ULK1: variants seen among roughly 807,000 people sequenced by gnomAD.
The protein encoded by ULK1 is serine/threonine-protein kinase ULK1.
In ULK1, 48 loss-of-function variants were observed where a neutral mutation model predicts 117.5. That is an observed-to-expected ratio of 0.41 (90% CI 0.32 to 0.52). The LOEUF (loss-of-function observed/expected upper bound fraction) is 0.52. Among genes scored for constraint, ULK1 ranks in the 20% least tolerant of loss-of-function variants. ULK1 has a pLI of 0.29. For missense variants in ULK1, 1,387 were observed against 1,473.4 expected (o/e 0.94, Z 0.96); for synonymous variants, 790 against 637.8 (o/e 1.24, Z -3.60).
chr12:131,913,690 G>C, intron 14 of ULK1, 57 bp from the exon 15 acceptor site: 1 of 1,324,000 alleles, frequency 7.6e-7, no homozygotes, highest in South Asian at 1.6e-5. Flanking sequence ...GGGTGACAGA[G>C]TGAGACTGCC....
Position 131,922,014 on chromosome 12 carries a change from G to T in ULK1, c.*653G>T, listed in dbSNP as rs759152346. 2.0e-5 allele frequency: 9 copies of T among 454,382 alleles called. No individual in the cohort carries two copies. The highest frequency in any genetic ancestry group is 1.4e-4 in the Admixed American group (6 of 42,500). 28.1% of individuals were successfully genotyped at this position (454,382 alleles called of 1,614,324 possible). A position where few individuals can be genotyped will look rare whatever the true frequency, so the allele number is the denominator to read the frequency against. On this transcript the variant is annotated 3_prime_UTR_variant, in exon 28 of 28. Coordinates refer to ENST00000321867, the MANE Select transcript of ULK1 (RefSeq NM_003565.4). Reference sequence around the variant, plus strand: ...GGACCTCAGCGGGAGAACTGGCTCCGGGGGGAGTGGGGCCCTGCGCTAGAG... The same window carrying T: ...GGACCTCAGCGGGAGAACTGGCTCCTGGGGGAGTGGGGCCCTGCGCTAGAG...
In ULK1 at chr12:131,917,030, C is replaced by A; in HGVS notation, c.2150C>A (p.Thr717Lys). ...ACACAAGCCCCGGACCCGGGCAGCA[C>A]GGAGAGCCTGCAGGAGAAGCCCATG... ...FGTQAPDPGS[T>K]ESLQEKPMEI... The change falls in exon 21 of 28, where the codon ACG becomes AAG. Residue 717 changes from threonine to lysine, a missense_variant. Transcript: ENST00000321867. 2 of 1,419,252 alleles carry A rather than the reference C, an allele frequency of 1.4e-6. No individual in the cohort carries two copies. Among genetic ancestry groups the A allele is most frequent in the South Asian group, 2.3e-5 (2 of 86,972 alleles). 87.9% of individuals were successfully genotyped at this position (1,419,252 alleles called of 1,614,324 possible). A position where few individuals can be genotyped will look rare whatever the true frequency, so the allele number is the denominator to read the frequency against.
intron 10 of ULK1, 107 bp from the exon 11 acceptor site, chr12:131,910,147 C>T (rs61942432): frequency 0.079 from 124,779 of 1,570,900 alleles, 10,349 homozygotes; most frequent in African/African-American, 0.42. Context: ...GCTCCACCTC[C>T]GCCCGGGCAG....
At chr12:131,896,045 C>G (rs1017472621) in intron 3 of ULK1, among the ~76,000 whole-genome samples, 9 of 152,202 alleles carry the variant, frequency 5.9e-5, no homozygotes, top group African/African-American at 2.2e-4. Flanking sequence ...CAGGGCGCCC[C>G]AGGGCAGGGC....
chr12:131,905,320 G>A (rs1304855635), intron 3 of ULK1, among the ~76,000 whole-genome samples: 2 of 152,146 alleles, frequency 1.3e-5, no homozygotes, highest in Non-Finnish European at 2.9e-5. Flanking sequence ...GTGGCTTTGC[G>A]GCTGTCCCCC....
At chr12:131,917,340 T>A (rs878921101) in intron 21 of ULK1, 71 bp from the exon 22 acceptor site, 3 of 872,492 alleles carry the variant, frequency 3.4e-6, no homozygotes, top group African/African-American at 6.0e-5. Flanking sequence ...GGGGTCGGGT[T>A]CGGCTCGGAG....
chr12:131,910,591 T>C, intron 11 of ULK1, 121 bp from the exon 12 acceptor site: 1 of 1,597,862 alleles, frequency 6.3e-7, no homozygotes, highest in Non-Finnish European at 8.5e-7. Context: ...TCCTTCCTGC[T>C]GGTCGGGGTG....
In ULK1 at chr12:131,909,157, C is replaced by G; in HGVS notation, c.586C>G (p.Gln196Glu). The G allele has an allele frequency of 6.2e-7, 1 of 1,609,614 alleles. No individual in the cohort carries two copies. Among genetic ancestry groups the G allele is most frequent in the Non-Finnish European group, 8.5e-7 (1 of 1,178,498 alleles). Reference protein sequence around the residue: ...MYMAPEVIMSQHYDGKADLWS... With the variant: ...MYMAPEVIMSEHYDGKADLWS... ...GCAGGCCCCCGAGGTCATCATGTCC[C>G]AGCACTACGACGGGAAGGCGGACCT... Residue 196 changes from glutamine (Q) to glutamate (E), a missense_variant, in exon 8 of 28, where the codon CAG becomes GAG. Transcript: ENST00000321867.
At position 131,910,785 on chromosome 12, in the gene ULK1, C is replaced by G. The variant is rs1337830317; in HGVS notation, c.933C>G (p.His311Gln). The change falls in exon 12 of 28, where the codon CAC becomes CAG. Residue 311 changes from histidine to glutamine, a missense_variant. His to Gln is a conservative substitution (Grantham distance 24). Transcript: ENST00000321867. ...GSSSSSSSTS[H>Q]LASPPSLGEM... Reference sequence around the variant, plus strand: ...GCTCCAGCAGCAGCTCCACCTCCCACCTGGCCTCCCCGCCGGTGAGTTGCC... The same window carrying G: ...GCTCCAGCAGCAGCTCCACCTCCCAGCTGGCCTCCCCGCCGGTGAGTTGCC... 6.2e-7 allele frequency: 1 copy of G among 1,612,148 alleles called. No homozygotes were observed. The highest frequency in any genetic ancestry group is 1.3e-5 in the African/African-American group (1 of 74,926).
At chr12:131,906,673 C>T in intron 3 of ULK1, 1 of 609,932 alleles carries the variant, frequency 1.6e-6, no homozygotes, top group South Asian at 1.9e-5. Flanking sequence ...GACCAGGGGC[C>T]TTTGCCTTGA....
chr12:131,905,831 C>T (rs1420268843), intron 3 of ULK1, among the ~76,000 whole-genome samples: 2 of 152,128 alleles, frequency 1.3e-5, no homozygotes, highest in African/African-American at 4.8e-5. Flanking sequence ...GCTGTGTCTG[C>T]ACCGGTGGCT....
chr12:131,918,279 T>C, intron 22 of ULK1: 2 of 603,128 alleles, frequency 3.3e-6, no homozygotes, highest in Non-Finnish European at 5.7e-6. Flanking sequence ...TGGCCTGAGG[T>C]GGGGAGCTGG....
At position 131,895,778 on chromosome 12, in the gene ULK1, C is replaced by G; in HGVS notation, c.205-5C>G. 6.2e-7 allele frequency: 1 copy of G among 1,614,142 alleles called. No individual in the cohort carries two copies. The highest frequency in any genetic ancestry group is 8.5e-7 in the Non-Finnish European group (1 of 1,180,000). On this transcript the variant is annotated splice_region_variant and splice_polypyrimidine_tract_variant and intron_variant, in intron 2 of 27. Coordinates refer to ENST00000321867, the MANE Select transcript of ULK1 (RefSeq NM_003565.4). ...ACTGATAACAAACTTGGGTTTCTGT[C>G]CTAGGAACTGAAACATGAAAACATC...
chr12:131,912,188 T>C (rs1034913135), intron 13 of ULK1, 99 bp downstream of exon 13: 53 of 1,479,138 alleles, frequency 3.6e-5, no homozygotes, highest in East Asian at 5.0e-5. Context: ...TTTCCACTTA[T>C]GGGCAGTTAG....
intron 18 of ULK1, 140 bp from the exon 19 acceptor site, chr12:131,915,751 A>G: frequency 1.7e-6 from 2 of 1,194,740 alleles, no homozygotes; most frequent in Non-Finnish European, 1.2e-6. Context: ...CCTGAATGAC[A>G]GGGCGAGACC....
rs773116004 is a variant in ULK1, at chr12:131,910,266, A to G, written c.821A>G (p.His274Arg). Reference protein sequence around the residue: ...KDRMDFDEFFHHPFLDASPSV... With the variant: ...KDRMDFDEFFRHPFLDASPSV... Reference sequence around the variant, plus strand: ...CTTCCTCCTGCAGATGAGTTTTTTCATCACCCTTTCCTCGATGCCAGCCCC... The same window carrying G: ...CTTCCTCCTGCAGATGAGTTTTTTCGTCACCCTTTCCTCGATGCCAGCCCC... The change falls in exon 11 of 28, where the codon CAT (histidine) becomes CGT (arginine). Residue 274 changes from histidine (H) to arginine (R), a missense_variant. His to Arg is a conservative substitution (Grantham distance 29). Transcript: ENST00000321867. The G allele has an allele frequency of 1.4e-5, 23 of 1,613,594 alleles. No homozygotes were observed. Among genetic ancestry groups the G allele is most frequent in the African/African-American group, 1.3e-4 (10 of 75,006 alleles).
chr12:131,909,568 G>T (rs1186999915), intron 8 of ULK1, among the ~76,000 whole-genome samples: 1 of 152,154 alleles, frequency 6.6e-6, no homozygotes, highest in East Asian at 1.9e-4. Flanking sequence ...CGCGTTCTGG[G>T]GGGTGGACAC....
chr12:131,918,684 G>T lies in ULK1; in HGVS notation c.2511+3G>T. The T allele has an allele frequency of 6.3e-7, 1 of 1,580,338 alleles. No individual in the cohort carries two copies. The highest frequency in any genetic ancestry group is 2.3e-5 in the East Asian group (1 of 44,010). ...TCCCTGAGGAGACCCTCATGGAGGT[G>T]AGGGCTGGAGTGAGCAAAGGTTCCC... On this transcript the variant is annotated splice_donor_region_variant and intron_variant, in intron 23 of 27. Transcript: ENST00000321867.
chr12:131,894,964 C>T lies in ULK1; in HGVS notation c.-38C>T. On this transcript the variant is annotated 5_prime_UTR_variant, in exon 1 of 28. Transcript: ENST00000321867. Reference sequence around the variant, plus strand: ...CGCCTGAGTCCCCCGCGCCTTGGCCCGCCACCCCCCGCCCCGCGCCCCCGG... The same window carrying T: ...CGCCTGAGTCCCCCGCGCCTTGGCCTGCCACCCCCCGCCCCGCGCCCCCGG... 9.5e-6 allele frequency: 10 copies of T among 1,048,530 alleles called. No homozygotes were observed. In the Admixed American group the frequency reaches 2.1e-4, roughly 22 times the overall value. The allele number at this position is 1,048,530 out of a possible 1,614,324, so 65.0% of individuals were successfully genotyped here.
Sources: gnomAD v4.1 joint callset for allele counts (sites outside exome capture counted in the v4.1 genomes callset) on GRCh38, gnomAD v4.1.1 for gene constraint, MANE v1.5 for transcripts, NCBI Gene and HGNC (gene_info 2026-07-23, HGNC 2026-07-21) for gene names.